The following SCRG1 variants were observed in gnomAD, a reference collection of about 807,000 sequenced individuals.
The protein encoded by SCRG1 is scrapie-responsive protein 1.
Under a neutral mutation model 7.7 loss-of-function variants are expected in SCRG1, and 3 were observed. The observed-to-expected ratio is 0.39, with a 90% confidence interval of 0.18 to 1.01. SCRG1 has a LOEUF of 1.01. Among genes scored for constraint, SCRG1 ranks in the 50% least tolerant of loss-of-function variants. SCRG1 has a pLI of 0.36. For missense variants in SCRG1, 110 were observed against 117.2 expected (o/e 0.94, Z 0.28); for synonymous variants, 46 against 41.2 (o/e 1.12, Z -0.44).
the SCRG1 span, among the ~76,000 whole-genome samples, chr4:173,485,250 A>G: frequency 7.4e-5 from 10 of 135,842 alleles, no homozygotes; most frequent in Admixed American, 2.6e-4. Flanking sequence ...AATGAGGCAA[A>G]AATGATGTCA....
At chr4:173,393,842 G>A (rs2126916501) in intron 1 of SCRG1, among the ~76,000 whole-genome samples, 1 of 152,062 alleles carries the variant, frequency 6.6e-6, no homozygotes, top group African/African-American at 2.4e-5. Flanking sequence ...GCTTCCTGGT[G>A]GGTTGACCCT....
chr4:173,441,547 A>G, the SCRG1 span, among the ~76,000 whole-genome samples: 1 of 152,218 alleles, frequency 6.6e-6, no homozygotes, highest in Non-Finnish European at 1.5e-5. Flanking sequence ...ACTTTTGCTC[A>G]TAAAAAGTAT....
At chr4:173,485,127 A>G in the SCRG1 span, among the ~76,000 whole-genome samples, 1 of 19,688 alleles carries the variant, frequency 5.1e-5, no homozygotes, top group African/African-American at 1.2e-4. Context: ...TATATAATAT[A>G]TCATATATAT....
chr4:173,415,070 C>T, the SCRG1 span, among the ~76,000 whole-genome samples: 7 of 152,172 alleles, frequency 4.6e-5, no homozygotes, highest in Non-Finnish European at 8.8e-5. Context: ...ACAATAAAAG[C>T]GTTAATATTG....
At chr4:173,483,741 T>C in the SCRG1 span, among the ~76,000 whole-genome samples, 15 of 54,318 alleles carry the variant, frequency 2.8e-4, 7 homozygotes, top group African/African-American at 1.1e-3. Flanking sequence ...ATATATATGA[T>C]ATATTATATG....
the SCRG1 span, chr4:173,469,720 G>C: frequency 3.3e-5 from 5 of 152,168 alleles, no homozygotes; most frequent in African/African-American, 1.2e-4. Context: ...TTCAGGAAGG[G>C]AGAAGAAACC....
At chr4:173,510,423 CATAT>C in the SCRG1 span, among the ~76,000 whole-genome samples, 78,551 of 148,962 alleles carry the variant, frequency 0.53, 21,524 homozygotes, top group Non-Finnish European at 0.62. This position sits in a 1 kb window ranked among gnomAD's most constrained non-coding sequence, Gnocchi z 5.7. Context: ...AGGCCAAAAC[CATAT>C]ATATATATAT....
At chr4:173,454,651 T>A in the SCRG1 span, among the ~76,000 whole-genome samples, 1 of 152,202 alleles carries the variant, frequency 6.6e-6, no homozygotes, top group Admixed American at 6.5e-5. Context: ...TGTTTAGAGC[T>A]GGTTTCTGCC....
chr4:173,436,233 A>C, the SCRG1 span, among the ~76,000 whole-genome samples: 2 of 152,192 alleles, frequency 1.3e-5, no homozygotes, highest in African/African-American at 2.4e-5. Flanking sequence ...GTGGCTTTTC[A>C]GTAGTGGAAT....
chr4:173,517,369 C>A, the SCRG1 span, among the ~76,000 whole-genome samples: 1 of 152,214 alleles, frequency 6.6e-6, no homozygotes, highest in African/African-American at 2.4e-5. Context: ...AGCTGCCTTC[C>A]AGAGGGGGCG....
the SCRG1 span, among the ~76,000 whole-genome samples, chr4:173,438,401 G>A: frequency 6.6e-6 from 1 of 152,106 alleles, no homozygotes; most frequent in African/African-American, 2.4e-5. Context: ...GGGATAACAG[G>A]CGTAAGCCAC....
the SCRG1 span, among the ~76,000 whole-genome samples, chr4:173,433,094 T>C: frequency 1.3e-5 from 2 of 152,228 alleles, no homozygotes; most frequent in Non-Finnish European, 1.5e-5. Flanking sequence ...CCTATATACA[T>C]ATTCTTTTCT....
chr4:173,410,391 T>G (rs945612326), upstream of SCRG1, among the ~76,000 whole-genome samples: 3 of 152,356 alleles, frequency 2.0e-5, no homozygotes, highest in South Asian at 2.1e-4. Flanking sequence ...AGCAAGGCCA[T>G]TCCTACAGCA....
the SCRG1 span, among the ~76,000 whole-genome samples, chr4:173,482,743 AG>A: frequency 6.6e-6 from 1 of 151,536 alleles, no homozygotes; most frequent in Admixed American, 6.6e-5. Context: ...ACATGAGCCC[AG>A]GAGGTCAAGG....
At chr4:173,496,168 T>C in the SCRG1 span, among the ~76,000 whole-genome samples, 2 of 152,178 alleles carry the variant, frequency 1.3e-5, no homozygotes, top group Non-Finnish European at 2.9e-5. Context: ...GAATGAAAGA[T>C]TTTAAGTAGG....
chr4:173,393,092 A>G (rs1051161477), intron 1 of SCRG1, among the ~76,000 whole-genome samples: 4 of 57,416 alleles, frequency 7.0e-5, no homozygotes, highest in African/African-American at 1.1e-4. Context: ...CTCCGTCTCG[A>G]AAAAAAAAAA....
At chr4:173,440,165 G>A in the SCRG1 span, among the ~76,000 whole-genome samples, 2 of 152,290 alleles carry the variant, frequency 1.3e-5, no homozygotes, top group African/African-American at 2.4e-5. Context: ...AACTGCTTAG[G>A]GGAGTGGTTA....
the SCRG1 span, among the ~76,000 whole-genome samples, chr4:173,461,023 T>C: frequency 1.3e-5 from 2 of 152,182 alleles, no homozygotes; most frequent in African/African-American, 4.8e-5. Flanking sequence ...GGACTGTGTC[T>C]TATGGTTTGA....
chr4:173,482,753 G>C, the SCRG1 span, among the ~76,000 whole-genome samples: 1 of 151,334 alleles, frequency 6.6e-6, no homozygotes, highest in African/African-American at 2.4e-5. Flanking sequence ...AGGAGGTCAA[G>C]GCTGCAGTGA....
Sources: gnomAD v4.1 joint callset for allele counts (sites outside exome capture counted in the v4.1 genomes callset) on GRCh38, gnomAD v4.1.1 for gene constraint, Gnocchi (gnomAD v3.1) non-coding constraint, MANE v1.5 for transcripts, NCBI Gene and HGNC (gene_info 2026-07-23, HGNC 2026-07-21) for gene names.